The following CHD1 variants were observed in gnomAD, a reference collection of about 807,000 sequenced individuals.
CHD1 encodes the protein chromodomain helicase DNA binding protein 1.
A neutral mutation model predicts 224.2 loss-of-function variants in CHD1; 36 were observed. The observed-to-expected ratio is 0.16, with a 90% CI of 0.12 to 0.21. The LOEUF is 0.21. Ranked by LOEUF, CHD1 falls within the 10% of genes least tolerant of loss-of-function variation. The pLI is 1.00. For missense variants in CHD1, 1,378 were observed against 1,994.8 expected, an observed-to-expected ratio of 0.69 and a Z score of 5.89; for synonymous variants, 668 against 658.3, an observed-to-expected ratio of 1.01 and a Z score of -0.23.
intron 35 of CHD1, among the ~76,000 whole-genome samples, chr5:98,857,069 C>G (rs930242092): frequency 1.3e-5 from 2 of 152,108 alleles, no homozygotes; most frequent in Admixed American, 1.3e-4. Flanking sequence ...TTACAACTAT[C>G]TGAAATACTC....
intron 2 of CHD1, among the ~76,000 whole-genome samples, chr5:98,922,322 T>C (rs1429083877): frequency 2.6e-5 from 4 of 152,240 alleles, no homozygotes; most frequent in Non-Finnish European, 5.9e-5. Context: ...TGTTGAGCTG[T>C]AACTGTTATA....
At chr5:98,879,040 T>C (rs905204516) in intron 23 of CHD1, among the ~76,000 whole-genome samples, 73 of 152,292 alleles carry the variant, frequency 4.8e-4, no homozygotes, top group Middle Eastern at 6.8e-3. Context: ...CAGACCAGCC[T>C]GGACAACATG....
At chr5:98,892,841 C>G (rs1214088687) in intron 14 of CHD1, 128 bp from the exon 15 acceptor site, 3 of 513,422 alleles carry the variant, frequency 5.8e-6, no homozygotes, top group Non-Finnish European at 9.9e-6. Context: ...AAAAAATTAG[C>G]TAAACTTAGT....
chr5:98,889,595 G>A (rs1750878957), intron 15 of CHD1: 1 of 158,128 alleles, frequency 6.3e-6, no homozygotes, highest in Non-Finnish European at 1.4e-5. Flanking sequence ...ATTTTGCATG[G>A]ACCTAAAAGA....
At chr5:98,878,245 G>A (rs188644222) in intron 23 of CHD1, among the ~76,000 whole-genome samples, 6 of 152,376 alleles carry the variant, frequency 3.9e-5, no homozygotes, top group Non-Finnish European at 5.9e-5. Flanking sequence ...TACAGCCTTG[G>A]AGAAAGTGAG....
intron 1 of CHD1, among the ~76,000 whole-genome samples, chr5:98,928,169 A>AGCCGCC (rs1021015741): frequency 1.3e-4 from 20 of 150,376 alleles, no homozygotes; most frequent in Non-Finnish European, 5.9e-5. Context: ...GGCTCGCCCG[A>AGCCGCC]GCCGCCGCCC....
At position 98,885,620 on chromosome 5, in the gene CHD1, C is replaced by A. The variant is rs138773374; in HGVS notation, c.2526G>T (p.Leu842=). 3.7e-6 allele frequency: 6 copies of A among 1,601,928 alleles called. No homozygotes were observed. Among genetic ancestry groups the A allele is most frequent in the Non-Finnish European group, 5.1e-6 (6 of 1,171,420 alleles). ...TAAAATGATCTAGAGCTTGTTTCCT[C>A]AGTTCTCCTTTTATTGATCCATCTA... ...QRLDGSIKGE[L]RKQALDHFNA... Residue 842 remains leucine, a synonymous_variant, in exon 18 of 36, where the codon CTG becomes CTT. Transcript: ENST00000614616.
rs752837399 is a variant in CHD1 at position 98,876,545 on chromosome 5, C to T, written c.3251G>A (p.Gly1084Glu). The T allele has an allele frequency of 3.1e-6, 5 of 1,613,452 alleles. No homozygotes were observed. In the South Asian group the frequency reaches 4.4e-5, roughly 14 times the overall value. Residue 1084 changes from glycine to glutamate, a missense_variant, in exon 24 of 36, where the codon GGA becomes GAA. This residue lies in a region of CHD1 where 286 missense variants were observed against 445.1 expected (regional missense o/e 0.64). Transcript: ENST00000614616. ...ACTTCTACTGCGCCTCCCTTCACTT[C>T]CATTGAAACTAATCTGGAATTGGAA... ...RNCAKQISFN[G>E]SEGRRSRSRR...
chr5:98,892,125 A>G (rs1751059494), intron 15 of CHD1, among the ~76,000 whole-genome samples: 1 of 152,214 alleles, frequency 6.6e-6, no homozygotes. Context: ...AATTTATACC[A>G]GCTATGATTT....
chr5:98,927,908 A>T (rs560784898), intron 1 of CHD1, among the ~76,000 whole-genome samples: 1 of 152,242 alleles, frequency 6.6e-6, no homozygotes, highest in Admixed American at 6.5e-5. Flanking sequence ...TGTCCTCTCA[A>T]GCGTCTCCAC....
intron 33 of CHD1, 33 bp downstream of exon 33, chr5:98,859,939 A>T (rs764478773): frequency 9.1e-7 from 1 of 1,098,502 alleles, no homozygotes; most frequent in Non-Finnish European, 1.3e-6. Context: ...TTAATTATAT[A>T]AATTCAGGGA....
Position 98,869,838 on chromosome 5 carries a change from T to C in CHD1, c.4023A>G (p.Ala1341=). The C allele has an allele frequency of 1.9e-6, 3 of 1,609,150 alleles. No homozygotes were observed. The highest frequency in any genetic ancestry group is 2.6e-6 in the Non-Finnish European group (3 of 1,175,722). The change falls in exon 30 of 36, where the codon GCA becomes GCG. Residue 1341 remains alanine (A), a synonymous_variant. Transcript: ENST00000614616. ...RRKARAKKNK[A]MKSIKVKEEI... is the part of the protein sequence containing the mutation. ...CCTCTTTCACTTTTATAGACTTCATTGCTTTATTCTTCTTAGCTCTTGCTT... is the reference window on the plus strand; with the variant it reads ...CCTCTTTCACTTTTATAGACTTCATCGCTTTATTCTTCTTAGCTCTTGCTT...
Position 98,879,424 on chromosome 5 carries a change from AAAC to A in CHD1, c.3237+125_3237+127del, listed in dbSNP as rs1750004217. 1.6e-5 allele frequency: 11 copies of A among 697,982 alleles called. No individual in the cohort carries two copies. In the South Asian group the frequency reaches 2.8e-4, roughly 18 times the overall value. 43.2% of individuals were successfully genotyped at this position (697,982 alleles called of 1,614,324 possible). ...CACTTCTCAACTCATTTCATGAGGCAAACATTATCAAATCAAGGCCATTACAAG... is the reference window on the plus strand; with the variant it reads ...CACTTCTCAACTCATTTCATGAGGCAATTATCAAATCAAGGCCATTACAAG... On this transcript the variant is annotated intron_variant, in intron 23 of 35. Coordinates refer to ENST00000614616, the MANE Select transcript of CHD1 (RefSeq NM_001270.4).
At chr5:98,916,957 G>C (rs1752772529) in intron 2 of CHD1, among the ~76,000 whole-genome samples, 1 of 151,938 alleles carries the variant, frequency 6.6e-6, no homozygotes, top group Admixed American at 6.6e-5. Flanking sequence ...ATGTAACTGA[G>C]GACTGAATCA....
intron 18 of CHD1, among the ~76,000 whole-genome samples, 172 bp downstream of exon 18, chr5:98,885,406 T>C (rs1750581793): frequency 6.6e-6 from 1 of 152,120 alleles, no homozygotes; most frequent in South Asian, 2.1e-4. Context: ...ATAAAATCCT[T>C]AGGTTTAAAC....
intron 2 of CHD1, among the ~76,000 whole-genome samples, chr5:98,913,995 T>C (rs1302779003): frequency 6.6e-6 from 1 of 152,210 alleles, no homozygotes; most frequent in African/African-American, 2.4e-5. Flanking sequence ...AGTATCTATT[T>C]TGTTTGTCCT....
intron 24 of CHD1, 36 bp from the exon 25 acceptor site, chr5:98,875,149 C>A (rs759146804): frequency 8.1e-7 from 1 of 1,227,490 alleles, no homozygotes; most frequent in Non-Finnish European, 1.2e-6. Context: ...ATGTGAGCTT[C>A]AGTATTCACT....
chr5:98,868,018 C>T (rs898018505), intron 31 of CHD1, among the ~76,000 whole-genome samples: 1 of 151,810 alleles, frequency 6.6e-6, no homozygotes, highest in Non-Finnish European at 1.5e-5. Context: ...CCAGGTTGAT[C>T]TCAAACTCCT....
At chr5:98,890,092 C>T (rs1334129514) in intron 15 of CHD1, among the ~76,000 whole-genome samples, 3 of 152,104 alleles carry the variant, frequency 2.0e-5, no homozygotes, top group Admixed American at 1.3e-4. Flanking sequence ...CTACCCACTG[C>T]GTACCATGCT....
Sources: allele counts gnomAD v4.1 joint callset (sites outside exome capture counted in the v4.1 genomes callset), GRCh38; gene constraint gnomAD v4.1.1; regional missense constraint gnomAD v4.1.1; transcripts MANE v1.5; gene names NCBI Gene and HGNC (gene_info 2026-07-23, HGNC 2026-07-21).